The following CSTPP1 variants were observed in gnomAD, a reference collection of about 807,000 sequenced individuals.
The protein encoded by CSTPP1 is centriolar satellite-associated tubulin polyglutamylase complex regulator 1, also known as UPF0705 protein C11orf49.
At chr11:46,978,338 G>A in the CSTPP1 span, among the ~76,000 whole-genome samples, 1 of 152,212 alleles carries the variant, frequency 6.6e-6, no homozygotes, top group Non-Finnish European at 1.5e-5. Context: ...TCAGGGAAAG[G>A]TTCACAAAGA....
At chr11:47,131,840 A>G in the CSTPP1 span, among the ~76,000 whole-genome samples, 152,004 of 152,112 alleles carry the variant, frequency 1, 75,949 homozygotes, top group Middle Eastern at 1. Flanking sequence ...AGCCTGGCGT[A>G]GTGATGCATG....
At chr11:47,019,514 G>C in the CSTPP1 span, among the ~76,000 whole-genome samples, 2 of 152,034 alleles carry the variant, frequency 1.3e-5, no homozygotes, top group African/African-American at 4.8e-5. Flanking sequence ...AGGGTTATTA[G>C]TTGACCTAAT....
At chr11:47,019,401 A>G in the CSTPP1 span, among the ~76,000 whole-genome samples, 6 of 152,328 alleles carry the variant, frequency 3.9e-5, no homozygotes, top group East Asian at 7.7e-4. Context: ...CTTTCGGCCT[A>G]TCTTGGCTTT....
the CSTPP1 span, among the ~76,000 whole-genome samples, chr11:47,076,177 G>GA: frequency 6.6e-6 from 1 of 152,072 alleles, no homozygotes; most frequent in Non-Finnish European, 1.5e-5. Context: ...ATGCCCTAGT[G>GA]AAAAAAGATT....
At chr11:46,939,795 T>C in the CSTPP1 span, among the ~76,000 whole-genome samples, 1 of 152,200 alleles carries the variant, frequency 6.6e-6, no homozygotes, top group East Asian at 1.9e-4. Context: ...CAGAGTTTAT[T>C]ATATACATAA....
chr11:47,155,470 G>GA, the CSTPP1 span: 2 of 602,270 alleles, frequency 3.3e-6, no homozygotes, highest in Non-Finnish European at 6.0e-6. Context: ...TCAGCCTCCT[G>GA]AAGACACTGA....
the CSTPP1 span, among the ~76,000 whole-genome samples, chr11:47,139,686 A>G: frequency 2.0e-4 from 29 of 148,002 alleles, no homozygotes; most frequent in Admixed American, 8.2e-4. Flanking sequence ...AAAAAAAAAA[A>G]GGGAGCATGA....
chr11:46,938,342 A>C, the CSTPP1 span, among the ~76,000 whole-genome samples: 1 of 147,916 alleles, frequency 6.8e-6, no homozygotes, highest in Admixed American at 6.8e-5. Flanking sequence ...TATATTATAT[A>C]TTATTATTAT....
the CSTPP1 span, among the ~76,000 whole-genome samples, chr11:47,057,315 T>C: frequency 3.3e-5 from 5 of 152,330 alleles, no homozygotes; most frequent in African/African-American, 1.2e-4. Flanking sequence ...TTTACTTCTG[T>C]TTAGGGATAT....
the CSTPP1 span, among the ~76,000 whole-genome samples, chr11:47,006,844 G>A: frequency 7.5e-5 from 11 of 147,636 alleles, no homozygotes; most frequent in Non-Finnish European, 1.6e-4. Flanking sequence ...CTCCTGCCTC[G>A]CCCTCCCAAA....
chr11:47,046,591 A>G, the CSTPP1 span, among the ~76,000 whole-genome samples: 10 of 150,574 alleles, frequency 6.6e-5, no homozygotes, highest in Non-Finnish European at 1.3e-4. Flanking sequence ...CACTGTTAAC[A>G]TGTCAGTTCT....
At chr11:47,137,393 A>C in the CSTPP1 span, 1 of 1,498,328 alleles carries the variant, frequency 6.7e-7, no homozygotes, top group Non-Finnish European at 8.9e-7. Context: ...CACCCGACCA[A>C]TTTTCATACC....
At chr11:46,973,517 T>C in the CSTPP1 span, among the ~76,000 whole-genome samples, 1 of 152,188 alleles carries the variant, frequency 6.6e-6, no homozygotes, top group Non-Finnish European at 1.5e-5. Flanking sequence ...CATATATTTT[T>C]CTGTGCCAAC....
chr11:47,044,195 G>A, the CSTPP1 span, among the ~76,000 whole-genome samples: 1 of 151,922 alleles, frequency 6.6e-6, no homozygotes, highest in African/African-American at 2.4e-5. Context: ...CACCATATTG[G>A]CCAGGCTGGT....
At chr11:47,108,742 C>T in the CSTPP1 span, among the ~76,000 whole-genome samples, 13 of 134,514 alleles carry the variant, frequency 9.7e-5, no homozygotes, top group East Asian at 1.5e-3. Flanking sequence ...AGTCTCACTG[C>T]GTCGCCCAGG....
the CSTPP1 span, among the ~76,000 whole-genome samples, chr11:47,004,078 CTT>C: frequency 7.2e-5 from 11 of 151,962 alleles, no homozygotes; most frequent in South Asian, 2.3e-3. Context: ...TTTTCTCTCT[CTT>C]TAAATGGCAT....
chr11:46,961,829 T>A, the CSTPP1 span, among the ~76,000 whole-genome samples: 1 of 152,154 alleles, frequency 6.6e-6, no homozygotes, highest in African/African-American at 2.4e-5. Context: ...CTTTCCCCAT[T>A]GAGTGTTTTT....
the CSTPP1 span, among the ~76,000 whole-genome samples, chr11:46,995,739 A>G: frequency 1.3e-5 from 2 of 152,358 alleles, no homozygotes; most frequent in Admixed American, 6.5e-5. Context: ...GGTGCTGAGT[A>G]GAATGTATAT....
the CSTPP1 span, among the ~76,000 whole-genome samples, chr11:46,965,318 G>A: frequency 4.1e-5 from 6 of 146,530 alleles, no homozygotes; most frequent in Admixed American, 1.4e-4. Flanking sequence ...TCCTCCTCCC[G>A]GGTTCAAGCG....
Sources: allele counts gnomAD v4.1 joint callset (sites outside exome capture counted in the v4.1 genomes callset), GRCh38; gene constraint gnomAD v4.1.1; transcripts MANE v1.5; gene names NCBI Gene and HGNC (gene_info 2026-07-23, HGNC 2026-07-21).